The following CSMD1 variants were observed in gnomAD, a reference collection of about 807,000 sequenced individuals.
CSMD1 encodes the protein CUB and Sushi multiple domains 1.
In CSMD1, 213 loss-of-function variants were observed where a neutral mutation model predicts 417.5. The observed-to-expected ratio is 0.51, with a 90% confidence interval of 0.46 to 0.57. The LOEUF is 0.57. Among genes scored for constraint, CSMD1 ranks in the 20% least tolerant of loss-of-function variants. The probability of loss-of-function intolerance (pLI) is 0.00; values close to 1 mark genes in which losing one functional copy is unlikely to be tolerated. For synonymous variants in CSMD1, 2,862 were observed against 1,736.8 expected, an observed-to-expected ratio of 1.65 and a Z score of -16.11; for missense variants, 6,923 against 4,529.7, an observed-to-expected ratio of 1.53 and a Z score of -15.17.
chr8:4,664,660 G>C (rs555033184), intron 1 of CSMD1, among the ~76,000 whole-genome samples: 4 of 152,058 alleles, frequency 2.6e-5, no homozygotes, highest in Non-Finnish European at 4.4e-5. Flanking sequence ...ATTCACATGT[G>C]CTTATTATTA....
intron 52 of CSMD1, among the ~76,000 whole-genome samples, chr8:3,016,847 T>A (rs1431658291): frequency 6.6e-6 from 1 of 152,070 alleles, no homozygotes; most frequent in Non-Finnish European, 1.5e-5. Flanking sequence ...TGAGACATGT[T>A]TGGGGGCATC....
At chr8:3,398,874 A>T (rs1811861364) in intron 16 of CSMD1, among the ~76,000 whole-genome samples, 1 of 152,204 alleles carries the variant, frequency 6.6e-6, no homozygotes, top group African/African-American at 2.4e-5. Flanking sequence ...ATTATTAAAT[A>T]GCTAAGCCAA....
chr8:3,351,165 A>C (rs1042245908), intron 21 of CSMD1, among the ~76,000 whole-genome samples: 1 of 152,374 alleles, frequency 6.6e-6, no homozygotes. Flanking sequence ...TCATTTATTC[A>C]ATATGTAGCT....
At chr8:3,067,431 G>C (rs1472066361) in intron 49 of CSMD1, among the ~76,000 whole-genome samples, 1 of 151,850 alleles carries the variant, frequency 6.6e-6, no homozygotes, top group African/African-American at 2.4e-5. Context: ...AGATTATATT[G>C]GTTTACTGAA....
chr8:4,970,201 G>A (rs921025385), intron 1 of CSMD1, among the ~76,000 whole-genome samples: 44 of 151,930 alleles, frequency 2.9e-4, no homozygotes, highest in Non-Finnish European at 3.2e-4. Context: ...CTTCAGACTC[G>A]AATCTTGTTT....
At chr8:4,302,737 C>A (rs957955407) in intron 3 of CSMD1, among the ~76,000 whole-genome samples, 1 of 152,092 alleles carries the variant, frequency 6.6e-6, no homozygotes. Flanking sequence ...CTCATTAAGT[C>A]ATTTAGTTTT....
At chr8:4,330,357 G>A (rs1020576116) in intron 3 of CSMD1, among the ~76,000 whole-genome samples, 2 of 151,696 alleles carry the variant, frequency 1.3e-5, no homozygotes, top group Admixed American at 6.6e-5. Flanking sequence ...TGCTTTAGGA[G>A]GACTAGTCAG....
At chr8:4,653,880 C>T (rs772085227) in intron 1 of CSMD1, among the ~76,000 whole-genome samples, 29 of 152,108 alleles carry the variant, frequency 1.9e-4, no homozygotes, top group South Asian at 4.2e-4. Flanking sequence ...TAACGTTATT[C>T]ATGCAAAATA....
At chr8:4,413,459 T>C (rs1796758140) in intron 3 of CSMD1, among the ~76,000 whole-genome samples, 1 of 152,206 alleles carries the variant, frequency 6.6e-6, no homozygotes, top group South Asian at 2.1e-4. Flanking sequence ...AATGACTTGA[T>C]TGTCTTAAAG....
intron 5 of CSMD1, among the ~76,000 whole-genome samples, chr8:3,770,638 T>C (rs937382593): frequency 2.0e-5 from 3 of 151,906 alleles, no homozygotes; most frequent in Non-Finnish European, 4.4e-5. Context: ...GAAAGGAAAA[T>C]TGTTTTTAGT....
At chr8:4,149,620 C>G (rs1248000858) in intron 3 of CSMD1, among the ~76,000 whole-genome samples, 2 of 152,170 alleles carry the variant, frequency 1.3e-5, no homozygotes, top group Non-Finnish European at 2.9e-5. Flanking sequence ...GTCCTTCTGT[C>G]TGTAGAATCA....
At chr8:4,761,493 A>C (rs1812041093) in intron 1 of CSMD1, among the ~76,000 whole-genome samples, 1 of 152,124 alleles carries the variant, frequency 6.6e-6, no homozygotes, top group Non-Finnish European at 1.5e-5. Flanking sequence ...CTAAACATTT[A>C]ATATTGCATA....
rs529103829 is a variant in CSMD1, at chr8:3,378,227, A to G, written c.2783-8857T>C. On this transcript the variant is annotated intron_variant, in intron 18 of 69. Coordinates refer to ENST00000635120, the MANE Select transcript of CSMD1 (RefSeq NM_033225.6). Reference sequence around the variant, plus strand: ...GAAGTCGAATCCCTGAATAGACCAAAAACAAGTTCTGAAATTGAAGCAGTA... The same window carrying G: ...GAAGTCGAATCCCTGAATAGACCAAGAACAAGTTCTGAAATTGAAGCAGTA... Among the ~76,000 whole-genome samples the G allele has an allele frequency of 1.4e-4, 22 of 152,326 alleles. No homozygotes were observed. The South Asian group carries it at 3.3e-3, about 23-fold the overall frequency.
At chr8:3,392,662 T>C (rs75241341) in intron 17 of CSMD1, among the ~76,000 whole-genome samples, 9,537 of 152,092 alleles carry the variant, frequency 0.063, 602 homozygotes, top group South Asian at 0.19. Flanking sequence ...AAGCTCAGGA[T>C]TCTGATTTTC....
At chr8:4,171,148 G>C (rs1797741223) in intron 3 of CSMD1, among the ~76,000 whole-genome samples, 1 of 151,810 alleles carries the variant, frequency 6.6e-6, no homozygotes, top group Non-Finnish European at 1.5e-5. Flanking sequence ...CTCCTGCTTA[G>C]TGCCCATGCT....
At chr8:4,447,815 TCA>T (rs1361985752) in intron 2 of CSMD1, among the ~76,000 whole-genome samples, 1 of 152,172 alleles carries the variant, frequency 6.6e-6, no homozygotes, top group East Asian at 1.9e-4. Context: ...AACTAAGAAG[TCA>T]CAACGTTTCA....
intron 1 of CSMD1, among the ~76,000 whole-genome samples, chr8:4,778,782 A>G (rs780229196): frequency 6.6e-6 from 1 of 152,336 alleles, no homozygotes. Flanking sequence ...GGAGAACATA[A>G]CATACACTTC....
intron 5 of CSMD1, among the ~76,000 whole-genome samples, chr8:3,760,066 G>A (rs184116415): frequency 2.0e-5 from 3 of 152,230 alleles, no homozygotes; most frequent in Admixed American, 6.5e-5. Context: ...CCAGGTCAGG[G>A]ATATTGGTGC....
At chr8:4,172,538 G>A (rs556005220) in intron 3 of CSMD1, among the ~76,000 whole-genome samples, 2 of 152,000 alleles carry the variant, frequency 1.3e-5, no homozygotes, top group East Asian at 3.9e-4. Context: ...TTTCTGCTTT[G>A]CTTGCAGTGG....
Sources: allele counts gnomAD v4.1 joint callset (sites outside exome capture counted in the v4.1 genomes callset), GRCh38; gene constraint gnomAD v4.1.1; transcripts MANE v1.5; gene names NCBI Gene and HGNC (gene_info 2026-07-23, HGNC 2026-07-21).